TCF20: variants seen among roughly 807,000 people sequenced by gnomAD.
TCF20 encodes the protein transcription factor 20.
Under a neutral mutation model 148.6 loss-of-function variants are expected in TCF20, and 3 were observed. That is an observed-to-expected ratio of 0.02 (90% CI 0.01 to 0.05). The LOEUF (loss-of-function observed/expected upper bound fraction) is 0.05. Ranked by LOEUF, TCF20 falls within the 10% of genes least tolerant of loss-of-function variation. TCF20 has a pLI of 1.00. For synonymous variants in TCF20, 1,049 were observed against 909.5 expected (o/e 1.15, Z -2.76); for missense variants, 2,350 against 2,429.3 (o/e 0.97, Z 0.69).
chr22:42,166,003 C>T (rs759322733), intron 5 of TCF20, among the ~76,000 whole-genome samples: 2 of 152,184 alleles, frequency 1.3e-5, no homozygotes, highest in African/African-American at 4.8e-5. Context: ...CAGCATGGGG[C>T]CCAAGATGAG....
upstream of TCF20, among the ~76,000 whole-genome samples, chr22:42,284,288 G>A (rs1443009080): frequency 6.6e-6 from 1 of 152,262 alleles, no homozygotes; most frequent in African/African-American, 2.4e-5. Context: ...ATTGGCCCCA[G>A]AGTAAATGGC....
chr22:42,340,474 A>G (rs758975579), intron 1 of TCF20, among the ~76,000 whole-genome samples: 5 of 152,140 alleles, frequency 3.3e-5, no homozygotes, highest in Non-Finnish European at 5.9e-5. Flanking sequence ...AGCCATCACC[A>G]GACAAGAAAA....
chr22:42,298,095 G>C (rs1001718391), intron 1 of TCF20, among the ~76,000 whole-genome samples: 2 of 152,240 alleles, frequency 1.3e-5, no homozygotes, highest in African/African-American at 2.4e-5. Flanking sequence ...GAGAGGGCCA[G>C]TGACTTGCCC....
intron 1 of TCF20, among the ~76,000 whole-genome samples, chr22:42,245,946 A>T (rs1259075096): frequency 2.0e-5 from 3 of 151,944 alleles, no homozygotes; most frequent in Non-Finnish European, 4.4e-5. Flanking sequence ...ATTATCAATG[A>T]TCTAGTTGTC....
intron 2 of TCF20, among the ~76,000 whole-genome samples, chr22:42,194,867 C>G (rs1039748637): frequency 6.6e-6 from 1 of 151,826 alleles, no homozygotes; most frequent in Non-Finnish European, 1.5e-5. Flanking sequence ...TGACTCAGCC[C>G]TCCCTTTGGC....
intron 1 of TCF20, among the ~76,000 whole-genome samples, chr22:42,225,000 C>CCT (rs1555933603): frequency 2.3e-5 from 3 of 130,270 alleles, no homozygotes; most frequent in Non-Finnish European, 3.2e-5. Flanking sequence ...GAAATAATCA[C>CCT]TTTTTTTTTT....
At chr22:42,310,543 G>A (rs938980429) in intron 1 of TCF20, among the ~76,000 whole-genome samples, 18 of 152,296 alleles carry the variant, frequency 1.2e-4, no homozygotes, top group African/African-American at 3.9e-4. Context: ...CAGGCTAGAC[G>A]AGGAAGGCAT....
chr22:42,242,676 C>G (rs1924549086), intron 1 of TCF20, among the ~76,000 whole-genome samples: 1 of 152,076 alleles, frequency 6.6e-6, no homozygotes, highest in Non-Finnish European at 1.5e-5. Flanking sequence ...CACCTGAGGT[C>G]AGGAGTTCAA....
At chr22:42,336,291 C>G (rs1928066878) in intron 1 of TCF20, among the ~76,000 whole-genome samples, 1 of 152,046 alleles carries the variant, frequency 6.6e-6, no homozygotes, top group South Asian at 2.1e-4. Context: ...GTTGGAAAAC[C>G]CACCCCAGAC....
At chr22:42,278,579 G>C (rs967951783) in intron 1 of TCF20, 8 of 152,264 alleles carry the variant, frequency 5.3e-5, no homozygotes, top group Non-Finnish European at 8.8e-5. Flanking sequence ...GAGGCTGGCG[G>C]CTTAGCCCAG....
rs542709659 is a variant in TCF20, at chr22:42,296,627, G to A, written c.-37+46852C>T. On this transcript the variant is annotated intron_variant, in intron 1 of 1. Coordinates refer to the TCF20 transcript ENST00000515426. ...GGCTGGCAGCCAGCTCACAGTGCCC[G>A]AGCTGTCAGCCGGGAGGCAGGCCAG... Among the ~76,000 whole-genome samples the A allele has an allele frequency of 1.5e-3, 226 of 152,278 alleles. 1 individual carries two copies. Among genetic ancestry groups the A allele is most frequent in the South Asian group, 2.3e-3 (11 of 4,826 alleles).
At chr22:42,232,460 C>T (rs1001131498) in intron 1 of TCF20, among the ~76,000 whole-genome samples, 2 of 151,778 alleles carry the variant, frequency 1.3e-5, no homozygotes, top group African/African-American at 2.4e-5. Context: ...ATTAGAAAGA[C>T]GACTGATATT....
At position 42,212,611 on chromosome 22, in the gene TCF20, G is replaced by A. The variant is rs765753339; in HGVS notation, c.2695C>T (p.Arg899Cys). 9.3e-6 allele frequency: 15 copies of A among 1,614,034 alleles called. No individual in the cohort carries two copies. The highest frequency in any genetic ancestry group is 2.2e-5 in the East Asian group (1 of 44,898). ...SADTRIGRND[R>C]LNPTLSQSVI... ...GACTGACTTAAAGTTGGATTGAGAC[G>A]GTCATTCCTCCCAATTCTGGTGTCG... Residue 899 changes from arginine (R) to cysteine (C), a missense_variant, in exon 2 of 6, where the codon CGT becomes TGT. Around this residue, in one of 7 missense-constraint regions of TCF20, gnomAD observed 1,641 missense variants for 1,662.6 expected, o/e 0.99. Transcript: ENST00000677622.
upstream of TCF20, among the ~76,000 whole-genome samples, chr22:42,285,721 C>T (rs528173324): frequency 9.9e-5 from 15 of 152,200 alleles, no homozygotes; most frequent in South Asian, 2.1e-4. The surrounding 1 kb of genome is among the most constrained non-coding windows in gnomAD (Gnocchi z 4.2). Flanking sequence ...GATCCTCCCA[C>T]CTCAGCCATC....
upstream of TCF20, among the ~76,000 whole-genome samples, chr22:42,285,742 G>C (rs1031279260): frequency 2.0e-5 from 3 of 152,020 alleles, no homozygotes; most frequent in African/African-American, 7.3e-5. This position sits in a 1 kb window ranked among gnomAD's most constrained non-coding sequence, Gnocchi z 4.2. Context: ...CAAAGTGCTA[G>C]GATTAAAGGT....
At position 42,290,123 on chromosome 22, in the gene TCF20, G is replaced by T. The variant is rs990934297; in HGVS notation, c.-37+53356C>A. 6.6e-6 allele frequency among the ~76,000 whole-genome samples: 1 copy of T among 152,138 alleles called. No homozygotes were observed. The highest frequency in any genetic ancestry group is 1.5e-5 in the Non-Finnish European group (1 of 68,008). On this transcript the variant is annotated intron_variant, in intron 1 of 1. Transcript: ENST00000515426. This position sits in a 1 kb window ranked among gnomAD's most constrained non-coding sequence, Gnocchi z 4.2. ...TTGGGGAGCGGGGGTCAGCCAGGGG[G>T]ACAAGGGCCAGCAGGAGGCAGGGCT...
chr22:42,256,717 T>TTA (rs1319761538), intron 1 of TCF20, among the ~76,000 whole-genome samples: 1 of 152,228 alleles, frequency 6.6e-6, no homozygotes, highest in African/African-American at 2.4e-5. Flanking sequence ...CATTTACATC[T>TTA]GTTTAGTAAT....
chr22:42,225,341 G>A (rs999170796), intron 1 of TCF20, among the ~76,000 whole-genome samples: 5 of 151,820 alleles, frequency 3.3e-5, no homozygotes, highest in South Asian at 2.1e-4. Flanking sequence ...TAGGCCGGGC[G>A]CGGTGGCTCA....
rs542870017 is a variant in TCF20 at position 42,236,366 on chromosome 22, C to G, written c.-36-21025G>C. On this transcript the variant is annotated intron_variant, in intron 1 of 5. Coordinates refer to ENST00000677622, the MANE Select transcript of TCF20 (RefSeq NM_001378418.1). ...TAGGAAAGATCCCACACCCTGGGATCTACAGTCCATTCATAGAAATCACAG... is the reference window on the plus strand; with the variant it reads ...TAGGAAAGATCCCACACCCTGGGATGTACAGTCCATTCATAGAAATCACAG... Among the ~76,000 whole-genome samples the G allele has an allele frequency of 3.9e-5, 6 of 152,268 alleles. No homozygotes were observed. In the East Asian group the frequency reaches 1.2e-3, roughly 29 times the overall value.
Sources: allele counts gnomAD v4.1 joint callset (sites outside exome capture counted in the v4.1 genomes callset), GRCh38; gene constraint gnomAD v4.1.1; regional missense constraint gnomAD v4.1.1; non-coding constraint Gnocchi (gnomAD v3.1); transcripts MANE v1.5; gene names NCBI Gene and HGNC (gene_info 2026-07-23, HGNC 2026-07-21).